The following DOCK5 variants were observed in gnomAD, a reference collection of about 807,000 sequenced individuals.
DOCK5 encodes the protein dedicator of cytokinesis 5, also known as dedicator of cytokinesis protein 5.
Under a neutral mutation model 251.8 loss-of-function variants are expected in DOCK5, and 142 were observed. The observed-to-expected ratio is 0.56, with a 90% CI of 0.49 to 0.65. DOCK5 has a LOEUF of 0.65. DOCK5 is among the 30% of genes least tolerant of loss of function. The pLI, the probability that DOCK5 is intolerant of heterozygous loss-of-function variation, is 0.00. For missense variants in DOCK5, 2,111 were observed against 2,312.3 expected, an observed-to-expected ratio of 0.91 and a Z score of 1.79; for synonymous variants, 842 against 835.5, an observed-to-expected ratio of 1.01 and a Z score of -0.13.
At chr8:25,198,415 T>C (rs1380563425) in intron 1 of DOCK5, among the ~76,000 whole-genome samples, 1 of 151,870 alleles carries the variant, frequency 6.6e-6, no homozygotes, top group African/African-American at 2.4e-5. Flanking sequence ...CGACTAAAAA[T>C]ACAAAAATTA....
Position 25,246,578 on chromosome 8 carries a change from G to A in DOCK5, c.127+2821G>A, listed in dbSNP as rs141210782. Among the ~76,000 whole-genome samples the A allele has an allele frequency of 4.1e-3, 620 of 152,258 alleles. 4 individuals are homozygous for A. The highest frequency in any genetic ancestry group is 0.014 in the African/African-American group (593 of 41,548). On this transcript the variant is annotated intron_variant, in intron 2 of 51. Coordinates refer to ENST00000276440, the MANE Select transcript of DOCK5 (RefSeq NM_024940.8). ...AGGTGTAAGCCACCGCACCTGGTCA[G>A]GAATTCTTTCTTAAATCAGCAGATG...
chr8:25,272,879 G>A (rs116519596), intron 3 of DOCK5, among the ~76,000 whole-genome samples: 1,977 of 151,696 alleles, frequency 0.013, 47 homozygotes, highest in African/African-American at 0.045. Context: ...CCTATCCCCC[G>A]CAAGCCCCTC....
intron 1 of DOCK5, among the ~76,000 whole-genome samples, chr8:25,199,384 T>TC: frequency 6.7e-6 from 1 of 148,210 alleles, no homozygotes. Flanking sequence ...TCTGTTCTTT[T>TC]TTTTTTTTTT....
chr8:25,200,450 TGATA>T (rs1396683002), intron 1 of DOCK5, among the ~76,000 whole-genome samples: 6 of 152,198 alleles, frequency 3.9e-5, no homozygotes, highest in Admixed American at 3.9e-4. Context: ...TCTGACGCAG[TGATA>T]GATAAAGTGT....
At chr8:25,381,629 A>G (rs1586380910) in intron 39 of DOCK5, among the ~76,000 whole-genome samples, 1 of 147,838 alleles carries the variant, frequency 6.8e-6, no homozygotes, top group South Asian at 2.1e-4. Flanking sequence ...CCCTGTCTCA[A>G]AAAAAAAAAA....
intron 1 of DOCK5, among the ~76,000 whole-genome samples, chr8:25,198,154 C>T (rs1178711481): frequency 6.6e-6 from 1 of 152,200 alleles, no homozygotes; most frequent in Non-Finnish European, 1.5e-5. Context: ...AGAATGCACC[C>T]TCCTGATGGG....
In DOCK5 at chr8:25,246,707, T is replaced by C. The variant is rs1455953190; in HGVS notation, c.127+2950T>C. On this transcript the variant is annotated intron_variant, in intron 2 of 51. Coordinates refer to ENST00000276440, the MANE Select transcript of DOCK5 (RefSeq NM_024940.8). Reference sequence around the variant, plus strand: ...AATTCTTCACTGCCATGTTAGTTTGTGTGTGTGTGTGTGTGTGTGTGTGTG... The same window carrying C: ...AATTCTTCACTGCCATGTTAGTTTGCGTGTGTGTGTGTGTGTGTGTGTGTG... Among the ~76,000 whole-genome samples the C allele has an allele frequency of 7.0e-3, 95 of 13,586 alleles. 4 individuals carry two copies. The highest frequency in any genetic ancestry group is 0.015 in the African/African-American group (90 of 5,934). 8.9% of individuals were successfully genotyped at this position (13,586 alleles called of 152,430 possible).
chr8:25,259,636 A>T (rs548222804), intron 2 of DOCK5, among the ~76,000 whole-genome samples: 9 of 151,958 alleles, frequency 5.9e-5, no homozygotes, highest in East Asian at 1.9e-4. Context: ...TTTAAAAAAA[A>T]TTTTTTTAGA....
chr8:25,357,218 A>G (rs1016517441), intron 27 of DOCK5, among the ~76,000 whole-genome samples: 17 of 151,792 alleles, frequency 1.1e-4, no homozygotes, highest in Non-Finnish European at 1.0e-4. Flanking sequence ...AATTCTGAGT[A>G]TTAAACCTCT....
intron 2 of DOCK5, among the ~76,000 whole-genome samples, chr8:25,254,788 C>CAAAAAAA (rs1314015647): frequency 1.4e-5 from 1 of 73,768 alleles, no homozygotes; most frequent in Non-Finnish European, 2.2e-5. Context: ...AAAAACAAAA[C>CAAAAAAA]AAAACAAAAA....
intron 39 of DOCK5, 98 bp from the exon 40 acceptor site, chr8:25,382,576 T>C (rs1049568509): frequency 1.3e-5 from 12 of 946,338 alleles, no homozygotes; most frequent in African/African-American, 5.0e-5. Flanking sequence ...TTCATTGCTC[T>C]GGGTTACGTG....
rs1452969460 is a variant in DOCK5 at position 25,415,396 on chromosome 8, A to G, written c.*4098A>G. 1 of 152,190 alleles carries G rather than the reference A, an allele frequency of 6.6e-6. No homozygotes were observed. The highest frequency in any genetic ancestry group is 1.5e-5 in the Non-Finnish European group (1 of 68,036). The allele number at this position is 152,190 out of a possible 1,614,324, so 9.4% of individuals were successfully genotyped here. On this transcript the variant is annotated 3_prime_UTR_variant, in exon 52 of 52. Coordinates refer to ENST00000276440, the MANE Select transcript of DOCK5 (RefSeq NM_024940.8). ...TATCTGGCTTTTACAATTAAATTGG[A>G]AAAGGTAAGTTTCTCTTTGGTGGGT...
intron 7 of DOCK5, 117 bp from the exon 8 acceptor site, chr8:25,298,826 GC>G: frequency 1.8e-6 from 2 of 1,122,716 alleles, no homozygotes; most frequent in Non-Finnish European, 2.5e-6. Flanking sequence ...ACAGGAATGA[GC>G]CACTGTGCCC....
chr8:25,258,010 A>G (rs1350024351), intron 2 of DOCK5, among the ~76,000 whole-genome samples: 2 of 152,156 alleles, frequency 1.3e-5, no homozygotes, highest in African/African-American at 4.8e-5. Context: ...AAAAGGAAAG[A>G]AAGAAAAACC....
chr8:25,270,835 C>T (rs746976676), intron 3 of DOCK5: 2 of 711,202 alleles, frequency 2.8e-6, no homozygotes, highest in Non-Finnish European at 5.2e-6. Context: ...CATGGATGCT[C>T]AAGTCTCTGA....
intron 26 of DOCK5, chr8:25,351,307 C>T (rs1458256001): frequency 6.3e-6 from 1 of 159,552 alleles, no homozygotes; most frequent in African/African-American, 2.4e-5. Flanking sequence ...ATCCGCCCGC[C>T]TCAGCCTCCC....
At chr8:25,351,918 A>G (rs928996444) in intron 27 of DOCK5, 92 bp downstream of exon 27, 11 of 877,706 alleles carry the variant, frequency 1.3e-5, no homozygotes, top group Admixed American at 2.1e-5. Flanking sequence ...GCTTGAGACT[A>G]TTCTTCACAT....
chr8:25,329,319 G>A (rs998866125), intron 18 of DOCK5, among the ~76,000 whole-genome samples: 2 of 151,836 alleles, frequency 1.3e-5, no homozygotes, highest in Non-Finnish European at 2.9e-5. Flanking sequence ...CATTTCAAGT[G>A]CTCAGTAATC....
chr8:25,368,308 G>A lies in DOCK5; in HGVS notation c.3283+58G>A, dbSNP rs1031114146. The A allele has an allele frequency of 2.5e-5, 36 of 1,463,996 alleles. No homozygotes were observed. In the African/African-American group the frequency reaches 3.7e-4, roughly 15 times the overall value. 90.7% of individuals were successfully genotyped at this position (1,463,996 alleles called of 1,614,324 possible). A position where few individuals can be genotyped will look rare whatever the true frequency, so the allele number is the denominator to read the frequency against. ...AACCTCTGAGTGATAAGCATCCCAC[G>A]ATAAAGTCTTTTTTTTATTTTAATC... On this transcript the variant is annotated intron_variant, in intron 32 of 51. Coordinates refer to ENST00000276440, the MANE Select transcript of DOCK5 (RefSeq NM_024940.8).
Sources: gnomAD v4.1 joint callset for allele counts (sites outside exome capture counted in the v4.1 genomes callset) on GRCh38, gnomAD v4.1.1 for gene constraint, MANE v1.5 for transcripts, NCBI Gene and HGNC (gene_info 2026-07-23, HGNC 2026-07-21) for gene names.